OR51B5: variants seen among roughly 807,000 people sequenced by gnomAD.
The protein encoded by OR51B5 is olfactory receptor 51B5.
For synonymous variants in OR51B5, 186 were observed against 144.8 expected, an observed-to-expected ratio of 1.28 and a Z score of -2.04; for missense variants, 456 against 374.6, an observed-to-expected ratio of 1.22 and a Z score of -1.79.
intron 1 of OR51B5, among the ~76,000 whole-genome samples, chr11:5,406,808 A>AT (rs1182363364): frequency 2.6e-5 from 4 of 152,168 alleles, no homozygotes; most frequent in South Asian, 2.1e-4. Context: ...ATTTATTGAG[A>AT]TTTTTTCCCT....
chr11:5,393,416 C>T (rs945292152), intron 1 of OR51B5, among the ~76,000 whole-genome samples: 1 of 151,980 alleles, frequency 6.6e-6, no homozygotes, highest in Non-Finnish European at 1.5e-5. Flanking sequence ...AGAACAATCA[C>T]TATGTAAAAG....
At chr11:5,358,341 A>G (rs1178630102) in intron 1 of OR51B5, among the ~76,000 whole-genome samples, 2 of 131,724 alleles carry the variant, frequency 1.5e-5, no homozygotes, top group Non-Finnish European at 3.3e-5. Context: ...AATACAAACC[A>G]CCATCAGAGA....
In OR51B5 at chr11:5,500,056, C is replaced by T. The variant is rs183765311; in HGVS notation, n.84+5513G>A. 8.7e-4 allele frequency among the ~76,000 whole-genome samples: 133 copies of T among 152,268 alleles called. 2 individuals are homozygous for T. The highest frequency in any genetic ancestry group is 1.7e-4 in the African/African-American group (7 of 41,552). ...ATAAGAGACAGTGAGCTCACAATCCCGGCCCTTTGACCTGCTAGACCATTT... is the reference window on the plus strand; with the variant it reads ...ATAAGAGACAGTGAGCTCACAATCCTGGCCCTTTGACCTGCTAGACCATTT... On this transcript the variant is annotated intron_variant and non_coding_transcript_variant, in intron 1 of 4. Coordinates refer to the OR51B5 transcript ENST00000415970.
chr11:5,484,190 G>A (rs970296944), intron 1 of OR51B5, among the ~76,000 whole-genome samples: 5 of 152,206 alleles, frequency 3.3e-5, no homozygotes, highest in African/African-American at 9.6e-5. Flanking sequence ...TCACAGCTAA[G>A]TTACTGACAT....
chr11:5,469,870 G>A (rs1043976195), intron 1 of OR51B5, among the ~76,000 whole-genome samples: 3 of 152,084 alleles, frequency 2.0e-5, no homozygotes, highest in Non-Finnish European at 4.4e-5. Flanking sequence ...TCTTGTGCAA[G>A]TGATGACATC....
chr11:5,368,695 G>A (rs1019506673), intron 1 of OR51B5, among the ~76,000 whole-genome samples: 1 of 152,178 alleles, frequency 6.6e-6, no homozygotes, highest in African/African-American at 2.4e-5. Flanking sequence ...AGTTTTATCT[G>A]TCAAGAGCAA....
chr11:5,343,477 T>C (rs749588708), exon 1 of OR51B5: 3 of 1,478,902 alleles, frequency 2.0e-6, no homozygotes, highest in South Asian at 1.2e-5. Context: ...CCTCCAAGCC[T>C]GGAAAACCAG....
intron 1 of OR51B5, chr11:5,453,900 A>C (rs1850902400): frequency 1.2e-6 from 2 of 1,614,086 alleles, no homozygotes; most frequent in Non-Finnish European, 1.7e-6. Context: ...TGTGCTCACC[A>C]CTGAAGTCAT....
chr11:5,422,919 T>A lies in OR51B5; in HGVS notation n.85-76009A>T, dbSNP rs1850375544. 1.2e-6 allele frequency: 2 copies of A among 1,614,066 alleles called. No homozygotes were observed. Among genetic ancestry groups the A allele is most frequent in the Admixed American group, 3.3e-5 (2 of 60,022 alleles). On this transcript the variant is annotated intron_variant and non_coding_transcript_variant, in intron 1 of 4. Transcript: ENST00000415970. ...ACCTGGGCTGAGCGACTCCGTGCCC[T>A]CAATAACTGCCTGTCCCACATTCTA...
intron 1 of OR51B5, among the ~76,000 whole-genome samples, chr11:5,377,111 G>C (rs10837942): frequency 0.21 from 31,920 of 151,712 alleles, 3,613 homozygotes; most frequent in East Asian, 0.38. Context: ...GCTTATCCAC[G>C]ATGATCAAGT....
upstream of OR51B5, among the ~76,000 whole-genome samples, chr11:5,344,458 C>T (rs1289017825): frequency 1.3e-5 from 2 of 152,092 alleles, no homozygotes; most frequent in South Asian, 2.1e-4. Context: ...TCCCTTTATC[C>T]CCAGCCATAG....
intron 1 of OR51B5, among the ~76,000 whole-genome samples, chr11:5,363,491 A>G (rs144151871): frequency 0.017 from 2,603 of 151,928 alleles, 43 homozygotes; most frequent in Admixed American, 0.027. Context: ...CACACACACA[A>G]TCATAAACAC....
At chr11:5,380,434 C>T (rs1018614750) in intron 1 of OR51B5, among the ~76,000 whole-genome samples, 2 of 152,150 alleles carry the variant, frequency 1.3e-5, no homozygotes, top group African/African-American at 4.8e-5. Flanking sequence ...AAATGGAGTT[C>T]TTCTGGGAAG....
chr11:5,382,779 C>A (rs1243048325), intron 1 of OR51B5, among the ~76,000 whole-genome samples: 1 of 152,214 alleles, frequency 6.6e-6, no homozygotes, highest in Non-Finnish European at 1.5e-5. Context: ...CAACCAGTTA[C>A]TTACCCGGTG....
At chr11:5,455,581 G>GAGAAAGAGAGAGGAGAGAGAGAAAC (rs1850942349) in intron 1 of OR51B5, 1 of 142,898 alleles carries the variant, frequency 7.0e-6, no homozygotes, top group Non-Finnish European at 1.5e-5. Context: ...GAGAGAGAAA[G>GAGAAAGAGAGAGGAGAGAGAGAAAC]AGAAAGAGAG....
intron 1 of OR51B5, among the ~76,000 whole-genome samples, chr11:5,374,499 TGA>T (rs1157598946): frequency 6.6e-6 from 1 of 152,144 alleles, no homozygotes; most frequent in Non-Finnish European, 1.5e-5. Context: ...TTTGACGAGC[TGA>T]GAGAAGAAGA....
intron 1 of OR51B5, among the ~76,000 whole-genome samples, chr11:5,413,213 G>A (rs1474339103): frequency 6.6e-6 from 1 of 152,166 alleles, no homozygotes; most frequent in African/African-American, 2.4e-5. Context: ...CAACAGACCT[G>A]CAGCTGAGGG....
chr11:5,358,265 AAG>A (rs1324213435), intron 1 of OR51B5, among the ~76,000 whole-genome samples: 3 of 147,812 alleles, frequency 2.0e-5, no homozygotes, highest in African/African-American at 8.0e-5. Flanking sequence ...TAAAGAAGAA[AAG>A]AGAGAAGAAT....
chr11:5,347,882 A>G (rs1304313114), upstream of OR51B5, among the ~76,000 whole-genome samples: 1 of 152,174 alleles, frequency 6.6e-6, no homozygotes, highest in Admixed American at 6.6e-5. Context: ...TGTTCCTACC[A>G]GCCAGGCTCA....
Sources: allele counts gnomAD v4.1 joint callset (sites outside exome capture counted in the v4.1 genomes callset), GRCh38; gene constraint gnomAD v4.1.1; transcripts MANE v1.5; gene names NCBI Gene and HGNC (gene_info 2026-07-23, HGNC 2026-07-21).